The following KCNIP4 variants were observed in gnomAD, a reference collection of about 807,000 sequenced individuals.
KCNIP4 encodes potassium voltage-gated channel interacting protein 4, also known as Kv channel-interacting protein 4.
A neutral mutation model predicts 34.0 loss-of-function variants in KCNIP4; 12 were observed. That is an observed-to-expected ratio of 0.35 (90% CI 0.23 to 0.57). The LOEUF is 0.57. KCNIP4 is among the 20% of genes least tolerant of loss of function. KCNIP4 has a pLI of 0.83. For synonymous variants in KCNIP4, 124 were observed against 102.2 expected (o/e 1.21, Z -1.29); for missense variants, 238 against 311.7 (o/e 0.76, Z 1.78).
intron 1 of KCNIP4, among the ~76,000 whole-genome samples, chr4:21,177,558 G>A (rs1033706109): frequency 9.2e-5 from 14 of 152,014 alleles, no homozygotes; most frequent in African/African-American, 2.9e-4. Context: ...AAGGCACAGC[G>A]GCTCACACCT....
chr4:21,077,793 ATTG>A (rs992834389), intron 1 of KCNIP4, among the ~76,000 whole-genome samples: 1 of 152,110 alleles, frequency 6.6e-6, no homozygotes, highest in African/African-American at 2.4e-5. Flanking sequence ...TAATGTAATA[ATTG>A]TTATTACAAT....
intron 1 of KCNIP4, among the ~76,000 whole-genome samples, chr4:21,178,969 A>G (rs2109317231): frequency 6.6e-6 from 1 of 152,046 alleles, no homozygotes; most frequent in African/African-American, 2.4e-5. Flanking sequence ...AGGTTGCACC[A>G]CCATGCCCAG....
intron 1 of KCNIP4, among the ~76,000 whole-genome samples, chr4:21,129,713 A>C (rs1750914297): frequency 6.6e-6 from 1 of 152,092 alleles, no homozygotes; most frequent in Admixed American, 6.5e-5. Context: ...AACCTTGGGG[A>C]ATTTTTCTCA....
At chr4:21,016,897 A>C (rs1321976194) in intron 1 of KCNIP4, among the ~76,000 whole-genome samples, 1 of 152,198 alleles carries the variant, frequency 6.6e-6, no homozygotes, top group African/African-American at 2.4e-5. Context: ...TCTTAAGAAA[A>C]GTGCTATTTT....
intron 1 of KCNIP4, among the ~76,000 whole-genome samples, chr4:21,015,824 A>C (rs1739478732): frequency 7.2e-6 from 1 of 138,116 alleles, no homozygotes; most frequent in Non-Finnish European, 1.5e-5. Context: ...ACCATATATA[A>C]AATATATACA....
chr4:21,784,570 T>C (rs1325878133), intron 1 of KCNIP4, among the ~76,000 whole-genome samples: 1 of 152,118 alleles, frequency 6.6e-6, no homozygotes, highest in Non-Finnish European at 1.5e-5. Flanking sequence ...TTCTGGAAAC[T>C]AGATAAAAAT....
In KCNIP4 at chr4:21,362,664, A is replaced by G. The variant is rs114448579; in HGVS notation, c.62-479955T>C. On this transcript the variant is annotated intron_variant, in intron 1 of 8. Transcript: ENST00000382152. ...GTTCAGTCTTTGTCCTCCCCTGCAC[A>G]AATGAACTCATTGTCTCAGGAGTAC... 8.1e-3 allele frequency among the ~76,000 whole-genome samples: 1,240 copies of G among 152,276 alleles called. 17 individuals carry two copies. The highest frequency in any genetic ancestry group is 0.028 in the African/African-American group (1,181 of 41,556).
intron 5 of KCNIP4, among the ~76,000 whole-genome samples, chr4:20,746,928 A>G (rs1752537031): frequency 1.3e-5 from 2 of 152,094 alleles, no homozygotes; most frequent in Admixed American, 1.3e-4. Flanking sequence ...TCATTCCCTA[A>G]CCATTTCTAT....
intron 1 of KCNIP4, among the ~76,000 whole-genome samples, chr4:21,380,733 A>G (rs1267656629): frequency 6.6e-6 from 1 of 152,062 alleles, no homozygotes; most frequent in African/African-American, 2.4e-5. Flanking sequence ...ACTACTCACC[A>G]TATTGGACAG....
intron 1 of KCNIP4, among the ~76,000 whole-genome samples, chr4:20,972,321 T>C (rs897249543): frequency 6.6e-6 from 1 of 152,196 alleles, no homozygotes; most frequent in African/African-American, 2.4e-5. Flanking sequence ...GGAATCACTC[T>C]TTATGGCAGC....
At chr4:21,561,534 A>T (rs1271243651) in intron 1 of KCNIP4, among the ~76,000 whole-genome samples, 3 of 151,956 alleles carry the variant, frequency 2.0e-5, no homozygotes, top group Non-Finnish European at 4.4e-5. Flanking sequence ...GAAACAACTC[A>T]TAGGACTTGT....
At chr4:21,295,625 C>G (rs1293998919) in intron 1 of KCNIP4, among the ~76,000 whole-genome samples, 1 of 152,092 alleles carries the variant, frequency 6.6e-6, no homozygotes, top group Non-Finnish European at 1.5e-5. Context: ...CTGGAATGCT[C>G]TTATCCCAGA....
At chr4:21,673,873 C>T (rs1484682551) in intron 1 of KCNIP4, among the ~76,000 whole-genome samples, 5 of 152,098 alleles carry the variant, frequency 3.3e-5, no homozygotes, top group African/African-American at 1.2e-4. Flanking sequence ...TTGTAGTCAG[C>T]GTTACTGAAG....
At chr4:20,737,454 G>C (rs1251793867) in intron 5 of KCNIP4, among the ~76,000 whole-genome samples, 2 of 152,228 alleles carry the variant, frequency 1.3e-5, no homozygotes, top group African/African-American at 4.8e-5. Context: ...GTCAGAAATG[G>C]GCTGTGCTCT....
chr4:20,969,515 T>C (rs750589721), intron 1 of KCNIP4, among the ~76,000 whole-genome samples: 1 of 151,840 alleles, frequency 6.6e-6, no homozygotes, highest in South Asian at 2.1e-4. Flanking sequence ...ACAGGTAAAT[T>C]TGTGTGTCCC....
rs565013686 is a variant in KCNIP4, at chr4:20,987,763, G to A, written c.62-105054C>T. 3.4e-4 allele frequency among the ~76,000 whole-genome samples: 52 copies of A among 151,958 alleles called. 1 individual carries two copies. Among genetic ancestry groups the A allele is most frequent in the Middle Eastern group, 3.4e-3 (1 of 292 alleles). ...GCCTGTAATCCCAGCATTTTGGGAG[G>A]CCGAGGCAGGCGGATCACGAGGTCA... is the stretch of plus-strand genomic sequence containing the variant. On this transcript the variant is annotated intron_variant, in intron 1 of 8. Coordinates refer to ENST00000382152, the MANE Select transcript of KCNIP4 (RefSeq NM_025221.6).
At chr4:21,720,055 A>C (rs1386120570) in intron 1 of KCNIP4, among the ~76,000 whole-genome samples, 1 of 135,598 alleles carries the variant, frequency 7.4e-6, no homozygotes, top group Non-Finnish European at 1.6e-5. Context: ...GAAGAGGAAA[A>C]AGAAGAAGAA....
At chr4:21,620,385 C>T (rs1744920264) in intron 1 of KCNIP4, among the ~76,000 whole-genome samples, 1 of 152,020 alleles carries the variant, frequency 6.6e-6, no homozygotes, top group Non-Finnish European at 1.5e-5. Context: ...GTCTGTAGTC[C>T]CAGCTACTCA....
intron 1 of KCNIP4, among the ~76,000 whole-genome samples, chr4:21,166,938 C>CAAAAAAAAAAA (rs55649635): frequency 5.3e-5 from 2 of 37,562 alleles, no homozygotes; most frequent in African/African-American, 1.1e-4. Flanking sequence ...CACTCCATCT[C>CAAAAAAAAAAA]AAAAAAAAAA....
Sources: allele counts gnomAD v4.1 joint callset (sites outside exome capture counted in the v4.1 genomes callset), GRCh38; gene constraint gnomAD v4.1.1; transcripts MANE v1.5; gene names NCBI Gene and HGNC (gene_info 2026-07-23, HGNC 2026-07-21).